The following SCN9A variants were observed in gnomAD, a reference collection of about 807,000 sequenced individuals.
SCN9A encodes sodium channel protein type 9 subunit alpha.
In SCN9A, 131 loss-of-function variants were observed where a neutral mutation model predicts 187.0. That is an observed-to-expected ratio of 0.70 (90% CI 0.61 to 0.81). The LOEUF is 0.81. Among genes scored for constraint, SCN9A ranks in the 30% least tolerant of loss-of-function variants. The pLI, the probability that SCN9A is intolerant of heterozygous loss-of-function variation, is 0.00. For synonymous variants in SCN9A, 809 were observed against 808.6 expected, an observed-to-expected ratio of 1.00 and a Z score of -0.01; for missense variants, 2,252 against 2,396.6, an observed-to-expected ratio of 0.94 and a Z score of 1.26.
chr2:166,271,008 A>C lies in SCN9A; in HGVS notation c.3351+1391T>G, dbSNP rs146352119. ...TACGGTTGTTATATTTCACAATAAA[A>C]ATAAAACTCAATACATACCTTGACT... is the stretch of plus-strand genomic sequence containing the variant. On this transcript the variant is annotated intron_variant, in intron 17 of 26. Transcript: ENST00000642356. Among the ~76,000 whole-genome samples the C allele has an allele frequency of 9.9e-5, 15 of 152,210 alleles. 1 individual carries two copies. In the East Asian group the frequency reaches 2.9e-3, roughly 29 times the overall value.
At chr2:166,216,884 C>T (rs758633334) in intron 24 of SCN9A, among the ~76,000 whole-genome samples, 26 of 151,816 alleles carry the variant, frequency 1.7e-4, no homozygotes, top group Non-Finnish European at 3.2e-4. Flanking sequence ...AGTAAAAAAT[C>T]CTAACATTTG....
intron 1 of SCN9A, among the ~76,000 whole-genome samples, chr2:166,359,428 C>A (rs1454171125): frequency 6.6e-6 from 1 of 151,982 alleles, no homozygotes; most frequent in Non-Finnish European, 1.5e-5. Context: ...CATTTTAGAA[C>A]CTCTAATGTT....
chr2:166,232,453 T>C (rs906860925), intron 21 of SCN9A, among the ~76,000 whole-genome samples: 1 of 152,186 alleles, frequency 6.6e-6, no homozygotes, highest in Non-Finnish European at 1.5e-5. Flanking sequence ...CTGTCTCACT[T>C]ACCTATCTTT....
At chr2:166,270,777 ATAT>A (rs917089338) in intron 17 of SCN9A, among the ~76,000 whole-genome samples, 66 of 146,972 alleles carry the variant, frequency 4.5e-4, no homozygotes, top group African/African-American at 1.5e-3. Flanking sequence ...ATATATATAT[ATAT>A]ATCAGTCATG....
chr2:166,219,349 T>C (rs1173611299), intron 24 of SCN9A, among the ~76,000 whole-genome samples: 1 of 151,994 alleles, frequency 6.6e-6, no homozygotes, highest in Non-Finnish European at 1.5e-5. Context: ...TGGATAAAGA[T>C]AATGTGGTAA....
At chr2:166,305,743 G>C (rs200004737) in intron 5 of SCN9A, 49 bp downstream of exon 5, 2 of 1,611,606 alleles carry the variant, frequency 1.2e-6, no homozygotes, top group Non-Finnish European at 1.7e-6. Flanking sequence ...ACACTGTGCT[G>C]CCTGAGATTT....
chr2:166,326,539 A>C (rs972976320), intron 1 of SCN9A, among the ~76,000 whole-genome samples: 1 of 152,224 alleles, frequency 6.6e-6, no homozygotes, highest in African/African-American at 2.4e-5. Flanking sequence ...TTTTGTGTCA[A>C]GAATAAATGC....
intron 11 of SCN9A, 106 bp from the exon 12 acceptor site, chr2:166,284,930 A>T (rs1559011062): frequency 2.1e-5 from 26 of 1,217,582 alleles, no homozygotes; most frequent in Non-Finnish European, 2.4e-5. Flanking sequence ...GTGGCTCTGT[A>T]CTGACTTAAA....
intron 24 of SCN9A, chr2:166,205,364 T>G (rs1055848224): frequency 6.6e-6 from 1 of 152,106 alleles, no homozygotes; most frequent in Non-Finnish European, 1.5e-5. Flanking sequence ...ACTACACATC[T>G]ACAACCATCT....
intron 19 of SCN9A, among the ~76,000 whole-genome samples, chr2:166,240,516 A>C (rs1465418419): frequency 6.6e-6 from 1 of 152,160 alleles, no homozygotes; most frequent in Non-Finnish European, 1.5e-5. Flanking sequence ...AATTACTCCA[A>C]ACTTTAATTT....
intron 1 of SCN9A, among the ~76,000 whole-genome samples, chr2:166,320,966 A>T (rs1308754187): frequency 6.6e-6 from 1 of 152,210 alleles, no homozygotes; most frequent in Non-Finnish European, 1.5e-5. Context: ...CTGAAATAAA[A>T]GTTTTAGGGA....
intron 1 of SCN9A, among the ~76,000 whole-genome samples, chr2:166,322,973 T>A (rs1699280167): frequency 6.6e-6 from 1 of 152,186 alleles, no homozygotes; most frequent in Non-Finnish European, 1.5e-5. Context: ...CTAGAATGAC[T>A]GTTGATTGCT....
chr2:166,266,132 C>T (rs1362778417), intron 17 of SCN9A, among the ~76,000 whole-genome samples: 1 of 151,700 alleles, frequency 6.6e-6, no homozygotes, highest in Non-Finnish European at 1.5e-5. Flanking sequence ...CAAAAAAATC[C>T]TTGCCTAGAA....
At chr2:166,255,807 G>C (rs1055689043) in intron 17 of SCN9A, among the ~76,000 whole-genome samples, 1 of 151,102 alleles carries the variant, frequency 6.6e-6, no homozygotes, top group Non-Finnish European at 1.5e-5. Flanking sequence ...AGGAGGAGAT[G>C]GGTATAAAAG....
chr2:166,266,163 CCT>C (rs149487932), intron 17 of SCN9A, among the ~76,000 whole-genome samples: 1,669 of 151,918 alleles, frequency 0.011, 24 homozygotes, highest in African/African-American at 0.038. Flanking sequence ...AAGCTTTCCC[CCT>C]GTTTTTTTTC....
chr2:166,288,474 A>T lies in SCN9A; in HGVS notation c.1277T>A (p.Met426Lys), dbSNP rs200415928. Residue 426 changes from methionine to lysine, a missense_variant, in exon 10 of 27, where the codon ATG (methionine) becomes AAG (lysine). Transcript: ENST00000642356. ...TTGCTCTTTTTTAAGACGGTCTAAC[A>T]TCTGTTGAAATTCTAATTCTTTCTG... is the stretch of plus-strand genomic sequence containing the variant. ...AKQKELEFQQ[M>K]LDRLKKEQEE... is the part of the protein sequence containing the mutation. 8.6e-5 allele frequency: 139 copies of T among 1,612,702 alleles called. No individual in the cohort carries two copies. The African/African-American group carries it at 1.6e-3, about 19-fold the overall frequency.
chr2:166,238,097 A>C lies in SCN9A; in HGVS notation c.3798T>G (p.Val1266=). The change falls in exon 20 of 27, where the codon GTT becomes GTG. Residue 1266 remains valine (V), a synonymous_variant. Coordinates refer to ENST00000642356, the MANE Select transcript of SCN9A (RefSeq NM_001365536.1). ...NAWCWLDFLI[V]DVSLVTLVAN... is the part of the protein sequence containing the mutation. ...AAATGTACTCAAAAGTACCTACATC[A>C]ACAATTAGGAAATCCAGCCAACACC... 2 of 1,609,060 alleles carry C rather than the reference A, an allele frequency of 1.2e-6. No individual in the cohort carries two copies. Among genetic ancestry groups the C allele is most frequent in the Non-Finnish European group, 1.7e-6 (2 of 1,177,100 alleles).
intron 1 of SCN9A, among the ~76,000 whole-genome samples, chr2:166,370,400 C>T (rs188123311): frequency 1.9e-3 from 283 of 151,214 alleles, no homozygotes; most frequent in Non-Finnish European, 3.2e-3. Context: ...AAACATTAGC[C>T]GGGCACGGTG....
At chr2:166,323,855 C>A (rs1699301362) in intron 1 of SCN9A, among the ~76,000 whole-genome samples, 1 of 151,468 alleles carries the variant, frequency 6.6e-6, no homozygotes, top group African/African-American at 2.4e-5. Context: ...CAGATAATTC[C>A]TTTAAACAGT....
Sources: allele counts gnomAD v4.1 joint callset (sites outside exome capture counted in the v4.1 genomes callset), GRCh38; gene constraint gnomAD v4.1.1; transcripts MANE v1.5; gene names NCBI Gene and HGNC (gene_info 2026-07-23, HGNC 2026-07-21).